The following GALNTL6 variants were observed in gnomAD, a reference collection of about 807,000 sequenced individuals.
The protein encoded by GALNTL6 is polypeptide N-acetylgalactosaminyltransferase like 6, also known as polypeptide N-acetylgalactosaminyltransferase-like 6.
In GALNTL6, 46 loss-of-function variants were observed where a neutral mutation model predicts 73.7. The ratio of observed to expected loss-of-function variants is 0.62; its 90% CI spans 0.49 to 0.80. The LOEUF (loss-of-function observed/expected upper bound fraction) is 0.80. GALNTL6 is among the 30% of genes least tolerant of loss of function. The pLI, the probability that GALNTL6 is intolerant of heterozygous loss-of-function variation, is 0.00. For missense variants in GALNTL6, 604 were observed against 755.0 expected (o/e 0.80, Z 2.34); for synonymous variants, 259 against 263.7 (o/e 0.98, Z 0.17).
At chr4:172,048,363 T>C (rs935041747) in intron 2 of GALNTL6, among the ~76,000 whole-genome samples, 3 of 152,292 alleles carry the variant, frequency 2.0e-5, no homozygotes, top group East Asian at 1.9e-4. Context: ...TTCTGATATG[T>C]CCAGAACTAT....
intron 2 of GALNTL6, among the ~76,000 whole-genome samples, chr4:172,081,107 T>G (rs1731866492): frequency 6.6e-6 from 1 of 152,042 alleles, no homozygotes; most frequent in Admixed American, 6.5e-5. Context: ...CATGAATATA[T>G]AGAGGCAACA....
At chr4:172,897,992 G>A (rs1023539800) in intron 8 of GALNTL6, among the ~76,000 whole-genome samples, 13 of 152,184 alleles carry the variant, frequency 8.5e-5, no homozygotes, top group East Asian at 3.8e-4. Flanking sequence ...CCACTAACAA[G>A]TGCGTTCCTT....
At chr4:172,190,248 C>T (rs1735534634) in intron 2 of GALNTL6, among the ~76,000 whole-genome samples, 1 of 152,074 alleles carries the variant, frequency 6.6e-6, no homozygotes, top group South Asian at 2.1e-4. Context: ...ACATCTTATT[C>T]TTTTAGGACC....
intron 2 of GALNTL6, among the ~76,000 whole-genome samples, chr4:171,953,229 T>C (rs1579002139): frequency 1.8e-5 from 1 of 54,060 alleles, no homozygotes; most frequent in Admixed American, 2.4e-4. Flanking sequence ...TGCGCACGTG[T>C]GTGTGTGTGT....
chr4:172,827,783 G>A (rs532331565), intron 7 of GALNTL6, among the ~76,000 whole-genome samples: 4 of 152,020 alleles, frequency 2.6e-5, no homozygotes, highest in African/African-American at 9.6e-5. Flanking sequence ...TCCATGGGTG[G>A]AAAGCCAAAT....
chr4:172,683,524 G>A, intron 5 of GALNTL6, among the ~76,000 whole-genome samples: 1 of 152,066 alleles, frequency 6.6e-6, no homozygotes, highest in East Asian at 1.9e-4. Context: ...CTTGAAAAAG[G>A]ACTTGTATTT....
At chr4:172,619,603 G>T (rs1317787024) in intron 5 of GALNTL6, among the ~76,000 whole-genome samples, 2 of 152,176 alleles carry the variant, frequency 1.3e-5, no homozygotes, top group African/African-American at 2.4e-5. Context: ...GTAAGATTCA[G>T]GTCTAAGTTG....
intron 3 of GALNTL6, among the ~76,000 whole-genome samples, chr4:172,290,686 G>A (rs1739432937): frequency 6.6e-6 from 1 of 151,862 alleles, no homozygotes; most frequent in Admixed American, 6.6e-5. Context: ...GTCTAATAGA[G>A]TGTAGCATTT....
intron 2 of GALNTL6, among the ~76,000 whole-genome samples, chr4:171,828,405 A>T (rs967475463): frequency 4.6e-5 from 7 of 152,132 alleles, no homozygotes; most frequent in Non-Finnish European, 7.4e-5. Flanking sequence ...CCAAATTACC[A>T]CTAGTGATGC....
intron 5 of GALNTL6, among the ~76,000 whole-genome samples, chr4:172,414,235 A>C (rs141990803): frequency 4.1e-4 from 62 of 152,228 alleles, no homozygotes; most frequent in Admixed American, 3.6e-3. Flanking sequence ...GTCATTTAAA[A>C]TCTCTGGACC....
At chr4:172,268,604 G>A (rs1455610784) in intron 3 of GALNTL6, among the ~76,000 whole-genome samples, 1 of 152,144 alleles carries the variant, frequency 6.6e-6, no homozygotes, top group African/African-American at 2.4e-5. Flanking sequence ...TTCGCAGTTG[G>A]GGAAACAAAT....
At chr4:172,344,880 T>TGTCTCTCACTG (rs1741686167) in intron 4 of GALNTL6, among the ~76,000 whole-genome samples, 1 of 152,180 alleles carries the variant, frequency 6.6e-6, no homozygotes, top group Non-Finnish European at 1.5e-5. Flanking sequence ...GTATCCTAAA[T>TGTCTCTCACTG]GTCTCTCACT....
At chr4:172,768,872 T>C (rs911417964) in intron 5 of GALNTL6, among the ~76,000 whole-genome samples, 1 of 152,058 alleles carries the variant, frequency 6.6e-6, no homozygotes, top group Non-Finnish European at 1.5e-5. Flanking sequence ...AAACTGCTGC[T>C]TGGAATTTTC....
chr4:172,544,256 C>T (rs1579172931), intron 5 of GALNTL6, among the ~76,000 whole-genome samples: 1 of 152,170 alleles, frequency 6.6e-6, no homozygotes, highest in African/African-American at 2.4e-5. Context: ...TTCCTGTCTT[C>T]TCTGGTTTTC....
chr4:172,476,922 C>CTTTT (rs149479550), intron 5 of GALNTL6, among the ~76,000 whole-genome samples: 3 of 113,338 alleles, frequency 2.6e-5, no homozygotes, highest in Admixed American at 9.5e-5. Context: ...GCTTAAGAGA[C>CTTTT]TTTTTTTTTT....
chr4:171,864,181 T>A (rs1560818512), intron 2 of GALNTL6, among the ~76,000 whole-genome samples: 1 of 152,222 alleles, frequency 6.6e-6, no homozygotes, highest in Non-Finnish European at 1.5e-5. Context: ...ACTCTTGTAA[T>A]CCTACTTAAT....
chr4:172,296,435 C>T (rs1198769866), intron 3 of GALNTL6, among the ~76,000 whole-genome samples: 1 of 152,066 alleles, frequency 6.6e-6, no homozygotes, highest in Admixed American at 6.6e-5. Flanking sequence ...CATATATATA[C>T]ATGTGGGAGT....
At chr4:172,599,615 T>A (rs1737982447) in intron 5 of GALNTL6, among the ~76,000 whole-genome samples, 1 of 152,160 alleles carries the variant, frequency 6.6e-6, no homozygotes, top group Non-Finnish European at 1.5e-5. Context: ...TTATTTCTCT[T>A]AAGTAAAATT....
chr4:172,903,679 C>G (rs1746740269), intron 8 of GALNTL6, among the ~76,000 whole-genome samples: 1 of 152,246 alleles, frequency 6.6e-6, no homozygotes, highest in Middle Eastern at 3.4e-3. Flanking sequence ...AAACTACTCC[C>G]ATACTGCATT....
Sources: gnomAD v4.1 joint callset for allele counts (sites outside exome capture counted in the v4.1 genomes callset) on GRCh38, gnomAD v4.1.1 for gene constraint, MANE v1.5 for transcripts, NCBI Gene and HGNC (gene_info 2026-07-23, HGNC 2026-07-21) for gene names.